PPP4R3B: variants seen among roughly 807,000 people sequenced by gnomAD.
PPP4R3B encodes the protein serine/threonine-protein phosphatase 4 regulatory subunit 3B.
PPP4R3B carries 52 observed loss-of-function variants against 95.4 expected under a neutral mutation model. The ratio of observed to expected loss-of-function variants is 0.54; its 90% CI spans 0.44 to 0.69. PPP4R3B has a LOEUF of 0.69. PPP4R3B is among the 30% of genes least tolerant of loss of function. The pLI is 0.00. For missense variants in PPP4R3B, 1,003 were observed against 1,005.9 expected, an observed-to-expected ratio of 1.00 and a Z score of 0.04; for synonymous variants, 407 against 343.9, an observed-to-expected ratio of 1.18 and a Z score of -2.03.
chr2:55,616,293 G>A (rs184490423), intron 1 of PPP4R3B, among the ~76,000 whole-genome samples: 1 of 152,190 alleles, frequency 6.6e-6, no homozygotes, highest in Admixed American at 6.5e-5. Context: ...AAGAACAAAA[G>A]AACACCTTCT....
At chr2:55,575,240 T>G (rs1688526391) in intron 11 of PPP4R3B, among the ~76,000 whole-genome samples, 1 of 151,350 alleles carries the variant, frequency 6.6e-6, no homozygotes. Context: ...ACGCCCGGCC[T>G]ATTTACAACT....
rs1686209695 is a variant in PPP4R3B, at chr2:55,558,906, T to C, written c.2323A>G (p.Thr775Ala). 6.2e-7 allele frequency: 1 copy of C among 1,613,950 alleles called. No individual in the cohort carries two copies. The highest frequency in any genetic ancestry group is 8.5e-7 in the Non-Finnish European group (1 of 1,179,956). ...KRTSPGGFKF[T>A]FSHSASAANG... ...GCAGCACTGGCAGAGTGGGAGAAAG[T>C]AAATTTGAAGCCACCAGGAGATGTC... The change falls in exon 16 of 17, where the codon ACT becomes GCT. Residue 775 changes from threonine (T) to alanine (A), a missense_variant. By Grantham distance (58) the Thr-to-Ala change is moderately conservative. Coordinates refer to ENST00000616407, the MANE Select transcript of PPP4R3B (RefSeq NM_001122964.3).
rs149239180 is a variant in PPP4R3B, at chr2:55,583,331, A to G, written c.1234-1633T>C. On this transcript the variant is annotated intron_variant, in intron 7 of 16. Transcript: ENST00000616407. ...AAATGTAAAATTGTTAGCTCTCAGAAAATTCAGGAAAATGAAACCCCTAGA... is the reference window on the plus strand; with the variant it reads ...AAATGTAAAATTGTTAGCTCTCAGAGAATTCAGGAAAATGAAACCCCTAGA... Among the ~76,000 whole-genome samples the G allele has an allele frequency of 4.6e-5, 7 of 152,284 alleles. No individual in the cohort carries two copies. The East Asian group carries it at 1.4e-3, about 29-fold the overall frequency.
chr2:55,614,888 C>CT (rs1694683258), intron 2 of PPP4R3B: 1 of 152,064 alleles, frequency 6.6e-6, no homozygotes, highest in South Asian at 2.1e-4. Flanking sequence ...ATCAGGCGTG[C>CT]TAAAATACAA....
At chr2:55,615,770 T>G (rs542934574) in intron 1 of PPP4R3B, among the ~76,000 whole-genome samples, 1 of 143,048 alleles carries the variant, frequency 7.0e-6, no homozygotes, top group Non-Finnish European at 1.5e-5. Flanking sequence ...GAGAATCGCT[T>G]GAGAGAGAGG....
chr2:55,565,310 GTATATA>G (rs151277909), intron 13 of PPP4R3B, among the ~76,000 whole-genome samples: 2 of 145,030 alleles, frequency 1.4e-5, no homozygotes. Flanking sequence ...TCTATTTTTT[GTATATA>G]TATATATATA....
chr2:55,594,156 G>T (rs1691428363), intron 4 of PPP4R3B, among the ~76,000 whole-genome samples: 1 of 152,098 alleles, frequency 6.6e-6, no homozygotes, highest in Admixed American at 6.6e-5. Context: ...AAAGGGGTAG[G>T]ATGGGAGAGG....
At chr2:55,573,931 C>T (rs1035355311) in intron 11 of PPP4R3B, among the ~76,000 whole-genome samples, 154 bp from the exon 12 acceptor site, 1 of 147,330 alleles carries the variant, frequency 6.8e-6, no homozygotes, top group African/African-American at 2.5e-5. Context: ...CTCTGTCACC[C>T]AGTTTGGAGT....
At chr2:55,608,933 T>A (rs55919620) in intron 2 of PPP4R3B, among the ~76,000 whole-genome samples, 13,592 of 152,150 alleles carry the variant, frequency 0.089, 749 homozygotes, top group South Asian at 0.14. Flanking sequence ...TGAGACTTAA[T>A]CATGCCACCG....
At chr2:55,596,471 T>C (rs189590373) in intron 4 of PPP4R3B, among the ~76,000 whole-genome samples, 1 of 152,350 alleles carries the variant, frequency 6.6e-6, no homozygotes, top group Admixed American at 6.5e-5. Context: ...ATTACTATAG[T>C]TTGTAAATGA....
chr2:55,586,242 C>T (rs1054952226), intron 6 of PPP4R3B, among the ~76,000 whole-genome samples: 7 of 151,968 alleles, frequency 4.6e-5, no homozygotes, highest in Non-Finnish European at 8.8e-5. Context: ...ATAGATAAAA[C>T]TCATATAAAC....
rs1685076456 is a variant in PPP4R3B at position 55,550,103 on chromosome 2, T to G, written c.2455-97A>C. ...ACTTGTAAAAATATCAGAAATCGTT[T>G]TTCTAAATCATATCAGAAATTAACA... On this transcript the variant is annotated intron_variant, in intron 16 of 16. Coordinates refer to ENST00000616407, the MANE Select transcript of PPP4R3B (RefSeq NM_001122964.3). 5.0e-6 allele frequency: 4 copies of G among 793,544 alleles called. No homozygotes were observed. The African/African-American group carries it at 5.4e-5, about 11-fold the overall frequency. 49.2% of individuals were successfully genotyped at this position (793,544 alleles called of 1,614,324 possible).
chr2:55,601,384 CTTTTTTT>C (rs942809837), intron 3 of PPP4R3B, among the ~76,000 whole-genome samples: 1 of 142,096 alleles, frequency 7.0e-6, no homozygotes, highest in African/African-American at 2.6e-5. Flanking sequence ...CTGTCTTTTT[CTTTTTTT>C]TTTTTTTGAG....
intron 5 of PPP4R3B, among the ~76,000 whole-genome samples, chr2:55,587,006 T>A (rs1690231750): frequency 6.6e-6 from 1 of 152,216 alleles, no homozygotes; most frequent in Admixed American, 6.5e-5. Context: ...CATAAGCTGC[T>A]TTTTTCCTTT....
Position 55,586,666 on chromosome 2 carries a change from G to C in PPP4R3B, c.1068C>G (p.Phe356Leu). The C allele has an allele frequency of 6.2e-7, 1 of 1,609,852 alleles. No individual in the cohort carries two copies. Among genetic ancestry groups the C allele is most frequent in the Non-Finnish European group, 8.5e-7 (1 of 1,178,248 alleles). ...TLQPQNRDAF[F>L]KTLAKLGILP... ...GAATTCCCAATTTTGCCAATGTTTT[G>C]AAAAATGCATCCCTGTTTTGAGGTT... Residue 356 changes from phenylalanine (F) to leucine (L), a missense_variant, in exon 6 of 17, where the codon TTC becomes TTG. By Grantham distance (22) the Phe-to-Leu change is conservative (BLOSUM62 0). Transcript: ENST00000616407.
At chr2:55,556,082 T>C (rs1008217185) in intron 16 of PPP4R3B, among the ~76,000 whole-genome samples, 1 of 152,238 alleles carries the variant, frequency 6.6e-6, no homozygotes, top group Non-Finnish European at 1.5e-5. Context: ...TGAAACTGGC[T>C]AAACCAAAGG....
Position 55,548,959 on chromosome 2 carries a change from T to G in PPP4R3B, c.*952A>C, listed in dbSNP as rs1684968782. 1 of 152,580 alleles carries G rather than the reference T, an allele frequency of 6.6e-6. No individual in the cohort carries two copies. Among genetic ancestry groups the G allele is most frequent in the Non-Finnish European group, 1.5e-5 (1 of 68,042 alleles). The allele number at this position is 152,580 out of a possible 1,614,324, so 9.5% of individuals were successfully genotyped here. On this transcript the variant is annotated 3_prime_UTR_variant, in exon 17 of 17. Coordinates refer to ENST00000616407, the MANE Select transcript of PPP4R3B (RefSeq NM_001122964.3). ...CTGCATGCTGACTTTGACACTTAAG[T>G]AGCTTCTTGGATCAAAATGGCTTCT... is the stretch of plus-strand genomic sequence containing the variant.
intron 1 of PPP4R3B, 117 bp from the exon 2 acceptor site, chr2:55,615,623 A>G: frequency 1.6e-6 from 1 of 621,204 alleles, no homozygotes; most frequent in Non-Finnish European, 2.7e-6. Context: ...GCACTTTGGG[A>G]GGCGGGCAGA....
At chr2:55,602,888 G>A (rs1419906893) in intron 3 of PPP4R3B, among the ~76,000 whole-genome samples, 1 of 151,998 alleles carries the variant, frequency 6.6e-6, no homozygotes, top group African/African-American at 2.4e-5. Flanking sequence ...GAGTGCTCTT[G>A]GAGACCTCCT....
Sources: allele counts gnomAD v4.1 joint callset (sites outside exome capture counted in the v4.1 genomes callset), GRCh38; gene constraint gnomAD v4.1.1; transcripts MANE v1.5; gene names NCBI Gene and HGNC (gene_info 2026-07-23, HGNC 2026-07-21).